Variants in MGAT4C observed in about 807,000 individuals in gnomAD.
MGAT4C encodes MGAT4 family member C.
Under a neutral mutation model 40.1 loss-of-function variants are expected in MGAT4C, and 19 were observed. The ratio of observed to expected loss-of-function variants is 0.47; its 90% CI spans 0.33 to 0.70. The LOEUF is 0.70. Among genes scored for constraint, MGAT4C ranks in the 30% least tolerant of loss-of-function variants. The pLI is 0.02. For missense variants in MGAT4C, 491 were observed against 563.2 expected, an observed-to-expected ratio of 0.87 and a Z score of 1.30; for synonymous variants, 181 against 187.1, an observed-to-expected ratio of 0.97 and a Z score of 0.27.
intron 1 of MGAT4C, among the ~76,000 whole-genome samples, chr12:86,732,029 T>C (rs1028557003): frequency 6.6e-6 from 1 of 152,160 alleles, no homozygotes; most frequent in African/African-American, 2.4e-5. Flanking sequence ...ATGCAGGGAT[T>C]ATGCTTTCGA....
chr12:86,371,617 C>T (rs1955715954), intron 3 of MGAT4C, among the ~76,000 whole-genome samples: 1 of 151,968 alleles, frequency 6.6e-6, no homozygotes, highest in East Asian at 1.9e-4. Context: ...CTCCCTATCC[C>T]ATAGGCAGAA....
chr12:86,491,261 T>C lies in MGAT4C; in HGVS notation c.-228-55996A>G, dbSNP rs1409706546. ...TTCCTTCTGAAACTATTCCAATCAA[T>C]AGAAAAAGAGGGAATCATCCCTAAC... On this transcript the variant is annotated intron_variant, in intron 2 of 7. Coordinates refer to the MGAT4C transcript ENST00000548651. 2.6e-5 allele frequency among the ~76,000 whole-genome samples: 4 copies of C among 151,938 alleles called. No individual in the cohort carries two copies. The South Asian group carries it at 6.2e-4, about 24-fold the overall frequency.
chr12:86,793,309 C>T (rs566101386), intron 1 of MGAT4C, among the ~76,000 whole-genome samples: 37 of 152,170 alleles, frequency 2.4e-4, no homozygotes, highest in African/African-American at 8.2e-4. Context: ...TTAAAGCAAA[C>T]GAAATCTTCA....
Position 85,971,315 on chromosome 12 carries a change from T to G in MGAT4C, c.*7974A>C, listed in dbSNP as rs1883613170. 1 of 151,260 alleles carries G rather than the reference T, an allele frequency of 6.6e-6. No individual in the cohort carries two copies. Among genetic ancestry groups the G allele is most frequent in the Non-Finnish European group, 1.5e-5 (1 of 67,380 alleles). The allele number at this position is 151,260 out of a possible 1,614,324, so 9.4% of individuals were successfully genotyped here. ...GTGAAAATATGTAGCTTTATCTACA[T>G]TACCTTGGTTTGGACAACTGAAAAA... On this transcript the variant is annotated 3_prime_UTR_variant, in exon 5 of 5. Coordinates refer to ENST00000611864, the MANE Select transcript of MGAT4C (RefSeq NM_001351288.2).
intron 2 of MGAT4C, among the ~76,000 whole-genome samples, chr12:86,701,046 G>T (rs995192636): frequency 1.3e-5 from 2 of 151,980 alleles, no homozygotes. Flanking sequence ...ATTTTTTCAA[G>T]ATCTTAAATA....
chr12:86,504,126 C>T (rs951683873), intron 2 of MGAT4C, among the ~76,000 whole-genome samples: 1 of 151,748 alleles, frequency 6.6e-6, no homozygotes, highest in Non-Finnish European at 1.5e-5. Context: ...TGAAGAGATG[C>T]CACTGTAAAT....
chr12:86,385,712 C>T (rs550846706), intron 3 of MGAT4C, among the ~76,000 whole-genome samples: 1 of 152,252 alleles, frequency 6.6e-6, no homozygotes, highest in African/African-American at 2.4e-5. Context: ...GTTGCTCTTC[C>T]TGCCAGTATG....
intron 3 of MGAT4C, among the ~76,000 whole-genome samples, chr12:86,417,959 C>T (rs1295810332): frequency 1.3e-5 from 2 of 152,114 alleles, no homozygotes; most frequent in African/African-American, 4.8e-5. Flanking sequence ...AACTGAGTTT[C>T]TTGCCCAACA....
intron 1 of MGAT4C, among the ~76,000 whole-genome samples, chr12:86,796,143 G>C (rs1278066173): frequency 1.4e-5 from 2 of 143,482 alleles, no homozygotes; most frequent in African/African-American, 5.1e-5. Context: ...TCTGTGACTT[G>C]TTTTTTTTTT....
At position 85,961,255 on chromosome 12, in the gene MGAT4C, AC is replaced by A. The variant is rs1435979144; in HGVS notation, c.*18033del. ...TTGTTTAGCAGCCTCGAAACACTGA[AC>A]TTTTTACAGTCTTATTGGAGAGAAA... On this transcript the variant is annotated 3_prime_UTR_variant, in exon 5 of 5. Transcript: ENST00000611864. 2 of 151,862 alleles carry A rather than the reference AC, an allele frequency of 1.3e-5. No individual in the cohort carries two copies. The highest frequency in any genetic ancestry group is 2.9e-5 in the Non-Finnish European group (2 of 67,810). 9.4% of individuals were successfully genotyped at this position (151,862 alleles called of 1,614,324 possible).
At chr12:86,738,886 T>C (rs1951023192) in intron 1 of MGAT4C, among the ~76,000 whole-genome samples, 1 of 150,996 alleles carries the variant, frequency 6.6e-6, no homozygotes, top group Non-Finnish European at 1.5e-5. Flanking sequence ...TTTATATTTT[T>C]TTATGGTGTC....
At chr12:86,466,909 A>C (rs1438846228) in intron 2 of MGAT4C, among the ~76,000 whole-genome samples, 1 of 152,154 alleles carries the variant, frequency 6.6e-6, no homozygotes, top group Non-Finnish European at 1.5e-5. Flanking sequence ...AATTTCTATA[A>C]ATTTCTAAGT....
In MGAT4C at chr12:86,275,816, A is replaced by C. The variant is rs950427081; in HGVS notation, c.-57+58249T>G. 2.0e-5 allele frequency among the ~76,000 whole-genome samples: 3 copies of C among 151,984 alleles called. No individual in the cohort carries two copies. The South Asian group carries it at 6.2e-4, about 32-fold the overall frequency. Reference sequence around the variant, plus strand: ...TAACCTCCAAAACTGTAAGAAAATAAATTGGCTGGGCGCGGTGGCTCACGC... The same window carrying C: ...TAACCTCCAAAACTGTAAGAAAATACATTGGCTGGGCGCGGTGGCTCACGC... On this transcript the variant is annotated intron_variant, in intron 4 of 7. Coordinates refer to the MGAT4C transcript ENST00000548651.
intron 2 of MGAT4C, among the ~76,000 whole-genome samples, chr12:86,712,804 A>G (rs1950580692): frequency 6.6e-6 from 1 of 152,042 alleles, no homozygotes; most frequent in Non-Finnish European, 1.5e-5. Context: ...ATTGTAGACA[A>G]TTTTGCCTCC....
intron 2 of MGAT4C, among the ~76,000 whole-genome samples, chr12:86,501,043 G>C (rs1958331577): frequency 6.6e-6 from 1 of 151,994 alleles, no homozygotes; most frequent in South Asian, 2.1e-4. Flanking sequence ...TCTGGAACAG[G>C]CATATACATT....
chr12:86,257,808 A>G (rs1223668891), upstream of MGAT4C, among the ~76,000 whole-genome samples: 2 of 152,126 alleles, frequency 1.3e-5, no homozygotes, highest in Non-Finnish European at 2.9e-5. Context: ...TGGGAGCAAG[A>G]GTTCTAGACT....
At chr12:86,595,029 T>A (rs1961478668) in intron 2 of MGAT4C, among the ~76,000 whole-genome samples, 1 of 152,174 alleles carries the variant, frequency 6.6e-6, no homozygotes, top group Non-Finnish European at 1.5e-5. Context: ...TTCCTTATGA[T>A]TTAGTACATT....
chr12:86,283,873 G>A (rs1474460491), intron 4 of MGAT4C, among the ~76,000 whole-genome samples: 2 of 152,044 alleles, frequency 1.3e-5, no homozygotes, highest in Non-Finnish European at 2.9e-5. Flanking sequence ...TCGCTATATG[G>A]AATTCAAAGC....
chr12:86,752,004 C>A (rs1202487162), intron 1 of MGAT4C, among the ~76,000 whole-genome samples: 1 of 151,854 alleles, frequency 6.6e-6, no homozygotes, highest in Non-Finnish European at 1.5e-5. Context: ...ATATTATTTT[C>A]ATATGTCTTG....
Sources: gnomAD v4.1 joint callset for allele counts (sites outside exome capture counted in the v4.1 genomes callset) on GRCh38, gnomAD v4.1.1 for gene constraint, MANE v1.5 for transcripts, NCBI Gene and HGNC (gene_info 2026-07-23, HGNC 2026-07-21) for gene names.